Variants in SPMAP2L observed in about 807,000 individuals in gnomAD.
The protein encoded by SPMAP2L is sperm microtubule associated protein 2 like.
chr4:56,593,500 G>A, the SPMAP2L span: 1,817 of 1,600,312 alleles, frequency 1.1e-3, 4 homozygotes, highest in Non-Finnish European at 1.5e-3. Flanking sequence ...CGTGGAGAGA[G>A]CTCATCAGAG....
At chr4:56,596,441 G>T in the SPMAP2L span, 1 of 1,424,784 alleles carries the variant, frequency 7.0e-7, no homozygotes, top group South Asian at 1.5e-5. Context: ...TTGTAATCTT[G>T]AACTAAATAG....
the SPMAP2L span, among the ~76,000 whole-genome samples, chr4:56,550,511 C>T: frequency 2.6e-5 from 4 of 151,924 alleles, no homozygotes; most frequent in Admixed American, 6.6e-5. Flanking sequence ...AGGAGTAGAG[C>T]GGGTAGAATT....
At chr4:56,533,463 A>G in the SPMAP2L span, among the ~76,000 whole-genome samples, 9 of 152,148 alleles carry the variant, frequency 5.9e-5, no homozygotes, top group African/African-American at 9.7e-5. Flanking sequence ...GCATCTATAC[A>G]TATGTACTCT....
At chr4:56,550,397 A>G in the SPMAP2L span, among the ~76,000 whole-genome samples, 4 of 152,240 alleles carry the variant, frequency 2.6e-5, no homozygotes, top group Admixed American at 2.6e-4. Context: ...TTTTCTCACA[A>G]GAATTCTGAA....
chr4:56,538,369 C>A, the SPMAP2L span, among the ~76,000 whole-genome samples: 2 of 152,164 alleles, frequency 1.3e-5, no homozygotes, highest in Non-Finnish European at 2.9e-5. Context: ...TGGCTAATTT[C>A]TATTACTGGG....
the SPMAP2L span, among the ~76,000 whole-genome samples, chr4:56,621,371 GA>G: frequency 2.6e-5 from 4 of 152,106 alleles, no homozygotes; most frequent in African/African-American, 9.7e-5. Context: ...GTTCTTTGAA[GA>G]AAAATGACCC....
the SPMAP2L span, among the ~76,000 whole-genome samples, chr4:56,580,726 A>G: frequency 1.3e-5 from 2 of 152,188 alleles, no homozygotes; most frequent in Admixed American, 6.5e-5. Flanking sequence ...GTGATCTTGT[A>G]TGCAGAAAAT....
chr4:56,617,858 TC>T, the SPMAP2L span, among the ~76,000 whole-genome samples: 6 of 152,174 alleles, frequency 3.9e-5, no homozygotes, highest in African/African-American at 7.2e-5. Flanking sequence ...GAGATGGTTT[TC>T]CCCTGGAGTC....
the SPMAP2L span, among the ~76,000 whole-genome samples, chr4:56,539,581 C>G: frequency 6.6e-6 from 1 of 152,062 alleles, no homozygotes; most frequent in South Asian, 2.1e-4. Flanking sequence ...ACCACCACAC[C>G]CAGCTAATTT....
chr4:56,592,956 A>G, the SPMAP2L span: 1 of 1,604,538 alleles, frequency 6.2e-7, no homozygotes, highest in Non-Finnish European at 8.5e-7. Context: ...GCCAACATCC[A>G]TTTGAAAAGA....
At chr4:56,617,357 G>A in the SPMAP2L span, among the ~76,000 whole-genome samples, 13 of 152,274 alleles carry the variant, frequency 8.5e-5, no homozygotes, top group South Asian at 1.2e-3. Flanking sequence ...CCAAAATGTC[G>A]TTGTGCAGCA....
the SPMAP2L span, among the ~76,000 whole-genome samples, chr4:56,617,447 T>C: frequency 0.032 from 4,794 of 152,154 alleles, 157 homozygotes; most frequent in African/African-American, 0.081. Context: ...CCGGTGGTAG[T>C]GAAAGGGGAA....
the SPMAP2L span, among the ~76,000 whole-genome samples, chr4:56,618,817 G>T: frequency 1.3e-5 from 2 of 152,176 alleles, no homozygotes; most frequent in Non-Finnish European, 2.9e-5. Flanking sequence ...AGCTTAACTT[G>T]CATTCTTCTG....
the SPMAP2L span, among the ~76,000 whole-genome samples, chr4:56,560,795 G>A: frequency 6.6e-6 from 1 of 152,078 alleles, no homozygotes; most frequent in Non-Finnish European, 1.5e-5. Context: ...ACTCAGGCTG[G>A]AGTGCAGTGG....
At chr4:56,554,556 A>G in the SPMAP2L span, among the ~76,000 whole-genome samples, 14,329 of 152,118 alleles carry the variant, frequency 0.094, 858 homozygotes, top group East Asian at 0.19. Flanking sequence ...TATGTTTTGG[A>G]TGCCAGTCCT....
the SPMAP2L span, among the ~76,000 whole-genome samples, chr4:56,605,780 G>T: frequency 6.6e-6 from 1 of 152,194 alleles, no homozygotes; most frequent in East Asian, 1.9e-4. Context: ...CACCAACAAC[G>T]TATGAAGTTC....
At chr4:56,531,195 C>T in the SPMAP2L span, 1 of 1,504,036 alleles carries the variant, frequency 6.6e-7, no homozygotes, top group Non-Finnish European at 8.9e-7. Context: ...CCCTCGTCCC[C>T]TCTCCTGCTT....
At chr4:56,531,213 C>G in the SPMAP2L span, 1 of 1,483,080 alleles carries the variant, frequency 6.7e-7, no homozygotes, top group East Asian at 2.5e-5. Flanking sequence ...CTTCTCCCTT[C>G]CCCTCATTCC....
At chr4:56,538,298 A>G in the SPMAP2L span, among the ~76,000 whole-genome samples, 4 of 152,080 alleles carry the variant, frequency 2.6e-5, no homozygotes, top group East Asian at 7.8e-4. Flanking sequence ...TGCCTGCTTC[A>G]GAGTCTGCAT....
Sources: gnomAD v4.1 joint callset for allele counts (sites outside exome capture counted in the v4.1 genomes callset) on GRCh38, gnomAD v4.1.1 for gene constraint, MANE v1.5 for transcripts, NCBI Gene and HGNC (gene_info 2026-07-23, HGNC 2026-07-21) for gene names.